Variants in FAM135B observed in about 807,000 individuals in gnomAD.
FAM135B encodes the protein protein FAM135B.
Under a neutral mutation model 127.7 loss-of-function variants are expected in FAM135B, and 43 were observed. The observed-to-expected ratio is 0.34, with a 90% CI of 0.26 to 0.43. FAM135B has a LOEUF of 0.43. Among genes scored for constraint, FAM135B ranks in the 20% least tolerant of loss-of-function variants. The probability of loss-of-function intolerance (pLI) is 1.00; values close to 1 mark genes in which losing one functional copy is unlikely to be tolerated. For missense variants in FAM135B, 1,558 were observed against 1,725.6 expected, an observed-to-expected ratio of 0.90 and a Z score of 1.72; for synonymous variants, 670 against 665.1, an observed-to-expected ratio of 1.01 and a Z score of -0.11.
chr8:138,443,481 C>T (rs1481200247), intron 1 of FAM135B, among the ~76,000 whole-genome samples: 5 of 152,126 alleles, frequency 3.3e-5, no homozygotes, highest in African/African-American at 1.2e-4. Context: ...AAAAAAAGGA[C>T]ATTTTTCAAA....
At chr8:138,365,380 T>C (rs1447384171) in intron 2 of FAM135B, among the ~76,000 whole-genome samples, 1 of 152,228 alleles carries the variant, frequency 6.6e-6, no homozygotes, top group African/African-American at 2.4e-5. Flanking sequence ...CTATTGGATG[T>C]GTTATTTTGA....
chr8:138,345,718 G>A (rs1163998162), intron 2 of FAM135B, among the ~76,000 whole-genome samples: 3 of 152,202 alleles, frequency 2.0e-5, no homozygotes, highest in Non-Finnish European at 4.4e-5. Context: ...GAGGAGGGGA[G>A]AGTATCTTCT....
chr8:138,260,805 T>C (rs1239714980), intron 4 of FAM135B, among the ~76,000 whole-genome samples: 1 of 152,046 alleles, frequency 6.6e-6, no homozygotes, highest in Non-Finnish European at 1.5e-5. Context: ...CCACTTTCTA[T>C]ATTATTGCCA....
chr8:138,444,007 C>G (rs534999432), intron 1 of FAM135B, among the ~76,000 whole-genome samples: 2 of 152,212 alleles, frequency 1.3e-5, no homozygotes, highest in African/African-American at 4.8e-5. Flanking sequence ...CAATCCTAGT[C>G]TCTGATAAAA....
At chr8:138,433,790 G>T (rs546888734) in intron 1 of FAM135B, among the ~76,000 whole-genome samples, 10 of 152,248 alleles carry the variant, frequency 6.6e-5, no homozygotes, top group African/African-American at 2.4e-4. Flanking sequence ...AGAGAGAATG[G>T]GTTTGCTGGA....
At chr8:138,153,280 A>C (rs894281338) in intron 12 of FAM135B, 64 bp from the exon 13 acceptor site, 1 of 1,303,978 alleles carries the variant, frequency 7.7e-7, no homozygotes, top group Non-Finnish European at 1.0e-6. Flanking sequence ...AAGTTATCCA[A>C]ATGTCTAACT....
At chr8:138,333,954 G>A (rs1296220927) in intron 2 of FAM135B, among the ~76,000 whole-genome samples, 1 of 152,046 alleles carries the variant, frequency 6.6e-6, no homozygotes, top group Non-Finnish European at 1.5e-5. Flanking sequence ...GAGGAGTCTC[G>A]CTCTGTCTCC....
chr8:138,456,374 T>C (rs756402422), intron 1 of FAM135B, among the ~76,000 whole-genome samples: 1 of 152,248 alleles, frequency 6.6e-6, no homozygotes, highest in African/African-American at 2.4e-5. Flanking sequence ...ATTTGCAATT[T>C]GCCAAAAACA....
chr8:138,368,539 A>T (rs192333535), intron 1 of FAM135B, among the ~76,000 whole-genome samples: 2 of 152,212 alleles, frequency 1.3e-5, no homozygotes, highest in Non-Finnish European at 2.9e-5. Flanking sequence ...TTTTGCTACC[A>T]TTGTTAATAA....
At chr8:138,461,698 C>A (rs1018666410) in intron 1 of FAM135B, among the ~76,000 whole-genome samples, 1 of 152,148 alleles carries the variant, frequency 6.6e-6, no homozygotes, top group East Asian at 1.9e-4. Context: ...GAAGCTCAGA[C>A]GTCAGTAGTC....
At chr8:138,449,120 T>C (rs1836351989) in intron 1 of FAM135B, among the ~76,000 whole-genome samples, 1 of 152,162 alleles carries the variant, frequency 6.6e-6, no homozygotes, top group Non-Finnish European at 1.5e-5. Context: ...ATTATCTGAG[T>C]AGCTGCTATC....
intron 7 of FAM135B, among the ~76,000 whole-genome samples, chr8:138,234,124 A>ACTG (rs1280593315): frequency 1.3e-5 from 2 of 152,222 alleles, no homozygotes; most frequent in Non-Finnish European, 2.9e-5. Context: ...AGTAAGCAAT[A>ACTG]CTGCTGACTT....
At chr8:138,156,337 A>G (rs529457811) in intron 12 of FAM135B, among the ~76,000 whole-genome samples, 11 of 152,324 alleles carry the variant, frequency 7.2e-5, no homozygotes, top group African/African-American at 2.6e-4. Flanking sequence ...CCCACAAGAG[A>G]AAGCAGGAAA....
intron 4 of FAM135B, among the ~76,000 whole-genome samples, chr8:138,259,664 G>C (rs1822389692): frequency 6.6e-6 from 1 of 152,180 alleles, no homozygotes; most frequent in Non-Finnish European, 1.5e-5. Context: ...GGACGGCCCA[G>C]GTTCAAACCC....
intron 7 of FAM135B, among the ~76,000 whole-genome samples, chr8:138,215,566 A>G (rs1264118102): frequency 1.3e-5 from 2 of 152,224 alleles, no homozygotes; most frequent in African/African-American, 4.8e-5. Flanking sequence ...TCAGTCTCTG[A>G]GCCTCAGGCT....
intron 12 of FAM135B, among the ~76,000 whole-genome samples, chr8:138,163,626 A>G (rs1819623420): frequency 6.6e-6 from 1 of 152,144 alleles, no homozygotes; most frequent in Non-Finnish European, 1.5e-5. Flanking sequence ...GCCTGCTGCC[A>G]TGTAAGACGT....
At chr8:138,471,968 G>A (rs543735326) in intron 1 of FAM135B, among the ~76,000 whole-genome samples, 1 of 152,302 alleles carries the variant, frequency 6.6e-6, no homozygotes, top group African/African-American at 2.4e-5. Flanking sequence ...ATGCAAAGGG[G>A]CATCCTTCCA....
At chr8:138,349,518 A>C (rs1372744098) in intron 2 of FAM135B, among the ~76,000 whole-genome samples, 1 of 152,244 alleles carries the variant, frequency 6.6e-6, no homozygotes, top group African/African-American at 2.4e-5. Context: ...AGCAGGATAT[A>C]GTAGGGATTA....
chr8:138,193,070 C>T (rs1816284057), intron 9 of FAM135B, among the ~76,000 whole-genome samples: 1 of 152,144 alleles, frequency 6.6e-6, no homozygotes, highest in Admixed American at 6.5e-5. Context: ...CACCCACTAG[C>T]CACCACCCAC....
Sources: allele counts gnomAD v4.1 joint callset (sites outside exome capture counted in the v4.1 genomes callset), GRCh38; gene constraint gnomAD v4.1.1; transcripts MANE v1.5; gene names NCBI Gene and HGNC (gene_info 2026-07-23, HGNC 2026-07-21).